The following ABCB10 variants were observed in gnomAD, a reference collection of about 807,000 sequenced individuals.
ABCB10 encodes the protein ATP binding cassette subfamily B member 10.
A neutral mutation model predicts 65.4 loss-of-function variants in ABCB10; 54 were observed. That is an observed-to-expected ratio of 0.83 (90% CI 0.66 to 1.04). The LOEUF (loss-of-function observed/expected upper bound fraction) is 1.04, where lower values mean the gene tolerates loss of function less well. Among genes scored for constraint, ABCB10 ranks in the 50% least tolerant of loss-of-function variants. ABCB10 has a pLI of 0.00. For synonymous variants in ABCB10, 418 were observed against 406.5 expected (o/e 1.03, Z -0.34); for missense variants, 846 against 976.6 (o/e 0.87, Z 1.78).
intron 8 of ABCB10, among the ~76,000 whole-genome samples, chr1:229,528,372 C>T (rs986135407): frequency 2.6e-5 from 4 of 151,688 alleles, no homozygotes; most frequent in Admixed American, 6.6e-5. Context: ...ACTATATTGC[C>T]CAAGCAGGTC....
At chr1:229,540,861 GA>G in intron 4 of ABCB10, 109 bp from the exon 5 acceptor site, 3 of 1,295,310 alleles carry the variant, frequency 2.3e-6, no homozygotes, top group Non-Finnish European at 3.1e-6. Context: ...AGAAAGAAAA[GA>G]AAAGAAATAG....
intron 3 of ABCB10, among the ~76,000 whole-genome samples, chr1:229,546,309 C>T (rs1433837007): frequency 6.6e-6 from 1 of 151,380 alleles, no homozygotes; most frequent in African/African-American, 2.4e-5. Flanking sequence ...GTATATAATA[C>T]ATATACCAAA....
Position 229,558,610 on chromosome 1 carries a change from G to C in ABCB10, c.43C>G (p.Pro15Ala), listed in dbSNP as rs1275395420. Residue 15 changes from proline (P) to alanine (A), a missense_variant, in exon 1 of 13, where the codon CCG (proline) becomes GCG (alanine). Transcript: ENST00000344517. Reference sequence around the variant, plus strand: ...AGCCGACCTGGCTCGGCAGGGCTCGGTGGCTCGAGCAGCCGCAGCGGCCAG... The same window carrying C: ...AGCCGACCTGGCTCGGCAGGGCTCGCTGGCTCGAGCAGCCGCAGCGGCCAG... ...PAWPLRLLEP[P>A]SPAEPGRLLP... 9.8e-6 allele frequency: 14 copies of C among 1,428,180 alleles called. No homozygotes were observed. The highest frequency in any genetic ancestry group is 1.2e-5 in the Non-Finnish European group (13 of 1,092,474). 88.5% of individuals were successfully genotyped at this position (1,428,180 alleles called of 1,614,324 possible). A position where few individuals can be genotyped will look rare whatever the true frequency, so the allele number is the denominator to read the frequency against.
At chr1:229,534,486 G>T (rs1371415289) in intron 6 of ABCB10, among the ~76,000 whole-genome samples, 1 of 152,084 alleles carries the variant, frequency 6.6e-6, no homozygotes, top group East Asian at 1.9e-4. Flanking sequence ...AGCACTTTGG[G>T]AGGCCAAGGT....
intron 3 of ABCB10, among the ~76,000 whole-genome samples, chr1:229,543,573 G>A (rs1340678884): frequency 6.6e-6 from 1 of 152,210 alleles, no homozygotes; most frequent in Non-Finnish European, 1.5e-5. Context: ...CCACGTTACT[G>A]AGTGCAAGCA....
In ABCB10 at chr1:229,539,596, C is replaced by A; in HGVS notation, c.1204-5G>T. 6.2e-7 allele frequency: 1 copy of A among 1,611,180 alleles called. No homozygotes were observed. The highest frequency in any genetic ancestry group is 1.1e-5 in the South Asian group (1 of 90,436). On this transcript the variant is annotated splice_polypyrimidine_tract_variant and splice_region_variant and intron_variant, in intron 5 of 12. Coordinates refer to ENST00000344517, the MANE Select transcript of ABCB10 (RefSeq NM_012089.3). ...CAGGTTTCCGGAGAGCCCAGTCTGTCGAATGAAGAAAACACAGAAGTCAGG... is the reference window on the plus strand; with the variant it reads ...CAGGTTTCCGGAGAGCCCAGTCTGTAGAATGAAGAAAACACAGAAGTCAGG...
intron 6 of ABCB10, chr1:229,531,954 T>G (rs887613965): frequency 4.8e-5 from 18 of 373,538 alleles, no homozygotes; most frequent in African/African-American, 3.4e-4. Flanking sequence ...ATAGTTTTTT[T>G]TTTTTTTTTT....
At chr1:229,519,369 T>C (rs2102798988) in intron 11 of ABCB10, among the ~76,000 whole-genome samples, 1 of 152,322 alleles carries the variant, frequency 6.6e-6, no homozygotes, top group East Asian at 1.9e-4. Flanking sequence ...TAAATGATCA[T>C]CAGAGTAATC....
chr1:229,539,649 A>G (rs1662796661), intron 5 of ABCB10, 58 bp from the exon 6 acceptor site: 8 of 1,585,928 alleles, frequency 5.0e-6, no homozygotes, highest in South Asian at 1.1e-5. Context: ...GAATGTGAAA[A>G]GCATGAACAC....
chr1:229,547,386 A>C, intron 3 of ABCB10, 113 bp downstream of exon 3: 1 of 1,237,242 alleles, frequency 8.1e-7, no homozygotes, highest in Non-Finnish European at 1.1e-6. Context: ...TTTTGGCTCT[A>C]GGCACTTACA....
chr1:229,548,244 T>A (rs1663016897), intron 2 of ABCB10, among the ~76,000 whole-genome samples: 1 of 152,114 alleles, frequency 6.6e-6, no homozygotes, highest in South Asian at 2.1e-4. Flanking sequence ...GCTCAAGCAA[T>A]CCTCCTGCCT....
intron 4 of ABCB10, 120 bp downstream of exon 4, chr1:229,542,117 T>C (rs1372464005): frequency 2.3e-6 from 3 of 1,308,554 alleles, no homozygotes; most frequent in Non-Finnish European, 3.0e-6. Flanking sequence ...TAATTTCTAA[T>C]GAAAGGAAAG....
intron 1 of ABCB10, among the ~76,000 whole-genome samples, chr1:229,554,606 G>T (rs528317063): frequency 6.6e-6 from 1 of 152,098 alleles, no homozygotes; most frequent in Non-Finnish European, 1.5e-5. Flanking sequence ...ATCCACACAT[G>T]ATCAACATAA....
At chr1:229,540,866 G>T in intron 4 of ABCB10, 114 bp from the exon 5 acceptor site, 1 of 1,251,340 alleles carries the variant, frequency 8.0e-7, no homozygotes, top group Non-Finnish European at 1.1e-6. Flanking sequence ...GAAAAGAAAA[G>T]AAATAGTGAT....
intron 8 of ABCB10, among the ~76,000 whole-genome samples, chr1:229,527,683 T>C (rs1031094193): frequency 1.3e-5 from 2 of 152,174 alleles, no homozygotes; most frequent in African/African-American, 4.8e-5. Context: ...CCATGAGGCA[T>C]CCACTTGCTG....
chr1:229,552,596 G>T (rs903165898), intron 1 of ABCB10, among the ~76,000 whole-genome samples: 4 of 152,182 alleles, frequency 2.6e-5, no homozygotes, highest in African/African-American at 9.7e-5. Flanking sequence ...AGAGGTTGGG[G>T]GTGGTTGGAG....
chr1:229,530,731 A>G (rs951233990), intron 7 of ABCB10, among the ~76,000 whole-genome samples: 1 of 152,252 alleles, frequency 6.6e-6, no homozygotes, highest in Non-Finnish European at 1.5e-5. Flanking sequence ...GCTAACAAGT[A>G]GTGGAGTTAA....
At chr1:229,535,377 A>G (rs1662694738) in intron 6 of ABCB10, among the ~76,000 whole-genome samples, 1 of 152,186 alleles carries the variant, frequency 6.6e-6, no homozygotes, top group Admixed American at 6.5e-5. Context: ...ACATCCACAC[A>G]ATGGAATATT....
chr1:229,538,402 AG>A (rs1430260158), intron 6 of ABCB10, among the ~76,000 whole-genome samples: 2 of 152,148 alleles, frequency 1.3e-5, no homozygotes, highest in Non-Finnish European at 2.9e-5. Context: ...GAAGTAGGGT[AG>A]GTAGTCCACT....
Sources: gnomAD v4.1 joint callset for allele counts (sites outside exome capture counted in the v4.1 genomes callset) on GRCh38, gnomAD v4.1.1 for gene constraint, MANE v1.5 for transcripts, NCBI Gene and HGNC (gene_info 2026-07-23, HGNC 2026-07-21) for gene names.